The following SCAMP2 variants were observed in gnomAD, a reference collection of about 807,000 sequenced individuals.
The protein encoded by SCAMP2 is secretory carrier-associated membrane protein 2.
Under a neutral mutation model 44.1 loss-of-function variants are expected in SCAMP2, and 25 were observed. That is an observed-to-expected ratio of 0.57 (90% CI 0.41 to 0.79). The LOEUF (loss-of-function observed/expected upper bound fraction) is 0.79, where lower values mean the gene tolerates loss of function less well. Ranked by LOEUF, SCAMP2 falls within the 30% of genes least tolerant of loss-of-function variation. The pLI is 0.00. For missense variants in SCAMP2, 355 were observed against 411.0 expected, an observed-to-expected ratio of 0.86 and a Z score of 1.18; for synonymous variants, 156 against 166.0, an observed-to-expected ratio of 0.94 and a Z score of 0.46.
intron 1 of SCAMP2, among the ~76,000 whole-genome samples, chr15:74,856,016 T>C (rs1308599632): frequency 1.3e-5 from 2 of 152,062 alleles, no homozygotes; most frequent in African/African-American, 4.8e-5. Context: ...CACCCTGCCC[T>C]GCCCCAAGAA....
chr15:74,848,846 G>A (rs113051058), intron 6 of SCAMP2, 145 bp from the exon 7 acceptor site: 11 of 609,456 alleles, frequency 1.8e-5, no homozygotes, highest in African/African-American at 1.3e-4. Flanking sequence ...CATACCACCC[G>A]TAAGGACACG....
At chr15:74,854,408 C>T (rs1836212736) in intron 2 of SCAMP2, among the ~76,000 whole-genome samples, 173 bp downstream of exon 2, 1 of 152,216 alleles carries the variant, frequency 6.6e-6, no homozygotes. Flanking sequence ...TTTTACAGAG[C>T]GTTTGGTGGC....
chr15:74,873,309 C>G lies in SCAMP2; in HGVS notation c.-54G>C. The stretch of plus-strand genomic sequence containing the variant: ...GCGAACGCTGCTGCCTCCGGGCACC[C>G]AGACCCAGCGGCGCTTCGTGTAGAC... On this transcript the variant is annotated 5_prime_UTR_variant, in exon 1 of 9. Transcript: ENST00000268099. 1 of 1,454,732 alleles carries G rather than the reference C, an allele frequency of 6.9e-7. No individual in the cohort carries two copies. Among genetic ancestry groups the G allele is most frequent in the East Asian group, 3.0e-5 (1 of 33,414 alleles). The allele number at this position is 1,454,732 out of a possible 1,614,324, so 90.1% of individuals were successfully genotyped here. A position where few individuals can be genotyped will look rare whatever the true frequency, so the allele number is the denominator to read the frequency against.
At chr15:74,860,195 G>A (rs2141177633) in intron 1 of SCAMP2, among the ~76,000 whole-genome samples, 1 of 152,314 alleles carries the variant, frequency 6.6e-6, no homozygotes, top group East Asian at 1.9e-4. Flanking sequence ...CGGATCACCT[G>A]AGAACAGGAG....
intron 7 of SCAMP2, among the ~76,000 whole-genome samples, chr15:74,846,833 A>G (rs1420706918): frequency 6.6e-6 from 1 of 152,138 alleles, no homozygotes; most frequent in Non-Finnish European, 1.5e-5. Context: ...GGAGTATGGA[A>G]AGCGTGGCTG....
chr15:74,857,360 C>T (rs577916347), intron 1 of SCAMP2, among the ~76,000 whole-genome samples: 1 of 152,222 alleles, frequency 6.6e-6, no homozygotes, highest in South Asian at 2.1e-4. Context: ...TATTTCATGC[C>T]TGAATGACCA....
At position 74,851,505 on chromosome 15, in the gene SCAMP2, G is replaced by A. The variant is rs199843989; in HGVS notation, c.344-24C>T. The A allele has an allele frequency of 7.8e-5, 126 of 1,612,668 alleles. 1 individual carries two copies. Among genetic ancestry groups the A allele is most frequent in the African/African-American group, 5.3e-4 (40 of 75,006 alleles). On this transcript the variant is annotated intron_variant, in intron 4 of 8. Transcript: ENST00000268099. ...CACTGGGTAGGGCAAAAAGAGTGACGAGGTAAGGGCCCAGCCTCAGAAGGG... is the reference window on the plus strand; with the variant it reads ...CACTGGGTAGGGCAAAAAGAGTGACAAGGTAAGGGCCCAGCCTCAGAAGGG...
chr15:74,854,443 G>T (rs971986050), intron 2 of SCAMP2, 138 bp downstream of exon 2: 16 of 786,174 alleles, frequency 2.0e-5, no homozygotes. Flanking sequence ...CCTGCCTCCC[G>T]GGTTCATGTT....
At chr15:74,849,588 A>G (rs1250231681) in intron 6 of SCAMP2, among the ~76,000 whole-genome samples, 1 of 152,058 alleles carries the variant, frequency 6.6e-6, no homozygotes, top group Non-Finnish European at 1.5e-5. Flanking sequence ...TACTAAAAAT[A>G]CAAAAATTAG....
intron 1 of SCAMP2, among the ~76,000 whole-genome samples, chr15:74,854,961 C>T (rs1479854346): frequency 6.6e-6 from 1 of 150,448 alleles, no homozygotes; most frequent in African/African-American, 2.5e-5. Flanking sequence ...TAGTATTTAC[C>T]TCTAGGGAGT....
rs745518742 is a variant in SCAMP2 at position 74,853,553 on chromosome 15, G to A, written c.225+468C>T. 2.0e-4 allele frequency: 87 copies of A among 438,504 alleles called. 1 individual carries two copies. In the Middle Eastern group the frequency reaches 2.0e-3, roughly 10 times the overall value. The allele number at this position is 438,504 out of a possible 1,614,324, so 27.2% of individuals were successfully genotyped here. A position where few individuals can be genotyped will look rare whatever the true frequency, so the allele number is the denominator to read the frequency against. ...TCATAGGGGCAGCGAGGGGTGCAGC[G>A]GGAGGGCAGTGAGGCGGCGCAGTGG... is the stretch of plus-strand genomic sequence containing the variant. On this transcript the variant is annotated intron_variant, in intron 3 of 8. Transcript: ENST00000268099.
chr15:74,858,687 T>A (rs773604540), intron 1 of SCAMP2, among the ~76,000 whole-genome samples: 41 of 151,856 alleles, frequency 2.7e-4, no homozygotes, highest in Non-Finnish European at 5.4e-4. Flanking sequence ...GTACGGAGCC[T>A]GACAAATTGA....
intron 1 of SCAMP2, among the ~76,000 whole-genome samples, chr15:74,866,919 C>T (rs1199705862): frequency 6.6e-6 from 1 of 152,056 alleles, no homozygotes; most frequent in Non-Finnish European, 1.5e-5. Context: ...GCCTCAGCCT[C>T]CCGAGTAGCT....
In SCAMP2 at chr15:74,873,209, T is replaced by C. The variant is rs1197592017; in HGVS notation, c.47A>G (p.Asn16Ser). The change falls in exon 1 of 9, where the codon AAC becomes AGC. Residue 16 changes from asparagine to serine, a missense_variant. Physicochemically the swap from Asn to Ser is conservative, Grantham distance 46. Transcript: ENST00000268099. ...GGAGAGGGGCTCTACCTGGAAGGGGTTTACATCCACTGGGTCCGCGAAGGG... is the reference window on the plus strand; with the variant it reads ...GGAGAGGGGCTCTACCTGGAAGGGGCTTACATCCACTGGGTCCGCGAAGGG... ...TNPFADPVDV[N>S]PFQDPSVTQL... 1.4e-6 allele frequency: 2 copies of C among 1,453,878 alleles called. No individual in the cohort carries two copies. The highest frequency in any genetic ancestry group is 1.5e-5 in the African/African-American group (1 of 66,120). The allele number at this position is 1,453,878 out of a possible 1,614,324, so 90.1% of individuals were successfully genotyped here. A position where few individuals can be genotyped will look rare whatever the true frequency, so the allele number is the denominator to read the frequency against.
chr15:74,853,605 TCA>T (rs2064449682), intron 3 of SCAMP2: 1 of 381,442 alleles, frequency 2.6e-6, no homozygotes, highest in African/African-American at 2.1e-5. Context: ...CAGGCAAGAT[TCA>T]CAGTATTTGG....
chr15:74,854,071 G>A lies in SCAMP2; in HGVS notation c.175C>T (p.Gln59Ter). ...VPVTQLPGSS[Q>*]PAVLQPSVEP... ...ACTGATGGCTGGAGAACCGCTGGCT[G>A]TGAGGACCCAGGGAGTTGGGTGACA... Residue 59 changes from glutamine (Q) to a stop codon, truncating the protein, a stop_gained, in exon 3 of 9, where the codon CAG (glutamine) becomes TAG (stop). Coordinates refer to ENST00000268099, the MANE Select transcript of SCAMP2 (RefSeq NM_005697.5). LOFTEE classifies it high-confidence loss of function. 1 of 1,614,212 alleles carries A rather than the reference G, an allele frequency of 6.2e-7. No individual in the cohort carries two copies. The highest frequency in any genetic ancestry group is 1.1e-5 in the South Asian group (1 of 91,086).
rs1359063571 is a variant in SCAMP2 at position 74,854,053 on chromosome 15, G to A, written c.193C>T (p.Pro65Ser). ...PGSSQPAVLQ[P>S]SVEPTQPTPQ... ...GTCGGCTGGGTTGGTTCCACTGATG[G>A]CTGGAGAACCGCTGGCTGTGAGGAC... Residue 65 changes from proline to serine, a missense_variant, in exon 3 of 9, where the codon CCA (proline) becomes TCA (serine). Pro to Ser is a moderately conservative substitution (Grantham distance 74, BLOSUM62 -1). Transcript: ENST00000268099. The A allele has an allele frequency of 6.2e-7, 1 of 1,614,174 alleles. No homozygotes were observed. Among genetic ancestry groups the A allele is most frequent in the South Asian group, 1.1e-5 (1 of 91,084 alleles).
intron 1 of SCAMP2, among the ~76,000 whole-genome samples, chr15:74,863,054 C>T (rs1004468975): frequency 1.3e-5 from 2 of 150,714 alleles, no homozygotes; most frequent in Admixed American, 6.6e-5. Flanking sequence ...ACAGAGAATA[C>T]GAAAATTAGG....
rs1226429880 is a variant in SCAMP2, at chr15:74,862,286, AAAAT to A, written c.58-7641_58-7638del. ...TCCAAAAAAAAAAAAAAAAAAAAAA[AAAAT>A]TCCTGGCCAGGTGCAATGGCTCACA... is the stretch of plus-strand genomic sequence containing the variant. On this transcript the variant is annotated intron_variant, in intron 1 of 8. Transcript: ENST00000268099. 2.7e-3 allele frequency among the ~76,000 whole-genome samples: 347 copies of A among 130,360 alleles called. 111 individuals are homozygous for A. Among genetic ancestry groups the A allele is most frequent in the African/African-American group, 0.011 (312 of 27,880 alleles). 85.5% of individuals were successfully genotyped at this position (130,360 alleles called of 152,430 possible).
Sources: gnomAD v4.1 joint callset for allele counts (sites outside exome capture counted in the v4.1 genomes callset) on GRCh38, gnomAD v4.1.1 for gene constraint, MANE v1.5 for transcripts, NCBI Gene and HGNC (gene_info 2026-07-23, HGNC 2026-07-21) for gene names.